The following BZW2 variants were observed in gnomAD, a reference collection of about 807,000 sequenced individuals.
BZW2 encodes the protein basic leucine zipper and W2 domains 2, also known as eIF5-mimic protein 1.
BZW2 carries 23 observed loss-of-function variants against 53.2 expected under a neutral mutation model. The observed-to-expected ratio is 0.43, with a 90% CI of 0.31 to 0.61. BZW2 has a LOEUF of 0.61. Ranked by LOEUF, BZW2 falls within the 20% of genes least tolerant of loss-of-function variation. The pLI is 0.09. For missense variants in BZW2, 409 were observed against 503.1 expected, an observed-to-expected ratio of 0.81 and a Z score of 1.79; for synonymous variants, 227 against 186.4, an observed-to-expected ratio of 1.22 and a Z score of -1.77.
chr7:16,682,530 G>A (rs536603336), intron 4 of BZW2, among the ~76,000 whole-genome samples: 16 of 151,868 alleles, frequency 1.1e-4, no homozygotes, highest in African/African-American at 2.7e-4. Flanking sequence ...TATTTTCGTC[G>A]AATTTTTTTT....
chr7:16,695,821 T>C (rs1748387258), intron 8 of BZW2: 1 of 152,208 alleles, frequency 6.6e-6, no homozygotes, highest in Admixed American at 6.5e-5. Flanking sequence ...ACTGATACTA[T>C]CCAGCAGGTG....
chr7:16,691,315 C>T (rs1164819788), intron 7 of BZW2, among the ~76,000 whole-genome samples: 1 of 152,186 alleles, frequency 6.6e-6, no homozygotes, highest in African/African-American at 2.4e-5. Flanking sequence ...TAGGGCAAAT[C>T]CCTGTAAACA....
intron 1 of BZW2, among the ~76,000 whole-genome samples, chr7:16,659,127 T>C (rs1412756564): frequency 6.6e-6 from 1 of 151,970 alleles, no homozygotes; most frequent in East Asian, 1.9e-4. Context: ...AAGTATATTC[T>C]CCTCAAAAAT....
intron 9 of BZW2, 26 bp downstream of exon 9, chr7:16,697,087 C>A (rs890713612): frequency 1.2e-6 from 2 of 1,607,074 alleles, no homozygotes; most frequent in Middle Eastern, 1.7e-4. Flanking sequence ...AAGGAACTGA[C>A]CCAGCCAAGG....
At chr7:16,678,014 C>G (rs185324887) in intron 3 of BZW2, among the ~76,000 whole-genome samples, 1 of 149,894 alleles carries the variant, frequency 6.7e-6, no homozygotes, top group African/African-American at 2.4e-5. Context: ...GTGCATTCTT[C>G]TTACATAAAT....
intron 6 of BZW2, among the ~76,000 whole-genome samples, chr7:16,687,816 G>A (rs553211194): frequency 6.6e-6 from 1 of 152,160 alleles, no homozygotes; most frequent in Non-Finnish European, 1.5e-5. Flanking sequence ...ATCCTACTCA[G>A]AGGAGTAACT....
intron 1 of BZW2, among the ~76,000 whole-genome samples, chr7:16,663,574 A>C (rs914158212): frequency 6.6e-6 from 1 of 152,116 alleles, no homozygotes; most frequent in Admixed American, 6.6e-5. Context: ...TTGGTACATA[A>C]ATAATTTTTT....
At chr7:16,687,584 G>T (rs916451904) in intron 6 of BZW2, 1 of 152,046 alleles carries the variant, frequency 6.6e-6, no homozygotes. Context: ...AGCCAGGTGT[G>T]TTGGCACACC....
chr7:16,684,980 GA>G (rs1416230434), intron 5 of BZW2, among the ~76,000 whole-genome samples: 1 of 152,198 alleles, frequency 6.6e-6, no homozygotes, highest in East Asian at 1.9e-4. Context: ...CAATGCCAGT[GA>G]ATTTTGCATT....
intron 2 of BZW2, among the ~76,000 whole-genome samples, chr7:16,669,059 A>G (rs1358219855): frequency 6.6e-6 from 1 of 152,224 alleles, no homozygotes; most frequent in Admixed American, 6.5e-5. Flanking sequence ...AAAAAAGGCC[A>G]AACTGCAGGC....
intron 6 of BZW2, 71 bp downstream of exon 6, chr7:16,686,111 T>G: frequency 1.9e-6 from 3 of 1,574,236 alleles, no homozygotes; most frequent in Middle Eastern, 1.7e-4. Context: ...GTTAGAAAAA[T>G]GCCAGTGGCT....
chr7:16,689,483 G>A (rs546649426), intron 6 of BZW2, among the ~76,000 whole-genome samples: 3 of 152,232 alleles, frequency 2.0e-5, no homozygotes, highest in Admixed American at 1.3e-4. Context: ...TGAAATAAAG[G>A]CAATAACACC....
intron 1 of BZW2, among the ~76,000 whole-genome samples, chr7:16,659,760 T>C (rs1476737260): frequency 2.6e-5 from 4 of 152,158 alleles, no homozygotes; most frequent in Non-Finnish European, 5.9e-5. Flanking sequence ...CTCAATTTTA[T>C]TGAGTTTTGT....
At chr7:16,656,566 C>G (rs992207864) in intron 1 of BZW2, among the ~76,000 whole-genome samples, 3 of 137,508 alleles carry the variant, frequency 2.2e-5, no homozygotes, top group African/African-American at 9.0e-5. Flanking sequence ...CACACACACA[C>G]ACACACACAC....
rs946531872 is a variant in BZW2 at position 16,646,633 on chromosome 7, G to C, written c.-8+345G>C. Among the ~76,000 whole-genome samples the C allele has an allele frequency of 1.8e-4, 28 of 152,200 alleles. 1 individual carries two copies. Among genetic ancestry groups the C allele is most frequent in the Non-Finnish European group, 5.9e-5 (4 of 68,018 alleles). On this transcript the variant is annotated intron_variant, in intron 1 of 11. Coordinates refer to ENST00000258761, the MANE Select transcript of BZW2 (RefSeq NM_014038.3). ...CCAGATGCGGCTCCCGGGGAGGCTG[G>C]GGCCGGGGCTCTGGGCTAGGTAGGG...
At position 16,646,202 on chromosome 7, in the gene BZW2, A is replaced by G. The variant is rs866250710; in HGVS notation, c.-94A>G. On this transcript the variant is annotated 5_prime_UTR_variant, in exon 1 of 12. Transcript: ENST00000258761. ...CTTCACTCCTCCATTGTCTGCCGCCACTGCTGCTGCTGCTGCTGCTGCCGC... is the reference window on the plus strand; with the variant it reads ...CTTCACTCCTCCATTGTCTGCCGCCGCTGCTGCTGCTGCTGCTGCTGCCGC... 4 of 337,764 alleles carry G rather than the reference A, an allele frequency of 1.2e-5. No individual in the cohort carries two copies. Among genetic ancestry groups the G allele is most frequent in the Admixed American group, 6.4e-5 (2 of 31,038 alleles). The allele number at this position is 337,764 out of a possible 1,614,324, so 20.9% of individuals were successfully genotyped here. A position where few individuals can be genotyped will look rare whatever the true frequency, so the allele number is the denominator to read the frequency against.
chr7:16,700,845 A>G (rs1291641459), intron 10 of BZW2: 3 of 152,192 alleles, frequency 2.0e-5, no homozygotes, highest in Non-Finnish European at 4.4e-5. Context: ...CTCTAAAACA[A>G]GTTTTTAAAA....
intron 6 of BZW2, among the ~76,000 whole-genome samples, chr7:16,689,147 A>T (rs1265691006): frequency 6.6e-6 from 1 of 152,102 alleles, no homozygotes; most frequent in Admixed American, 6.6e-5. Flanking sequence ...AATCACTTGA[A>T]CCCAGGAGGT....
intron 10 of BZW2, among the ~76,000 whole-genome samples, chr7:16,698,997 A>C (rs558896447): frequency 1.3e-5 from 2 of 152,268 alleles, no homozygotes; most frequent in Admixed American, 1.3e-4. Flanking sequence ...GTCTCTTTTG[A>C]ATTATATCTT....
Sources: gnomAD v4.1 joint callset for allele counts (sites outside exome capture counted in the v4.1 genomes callset) on GRCh38, gnomAD v4.1.1 for gene constraint, MANE v1.5 for transcripts, NCBI Gene and HGNC (gene_info 2026-07-23, HGNC 2026-07-21) for gene names.